The following ZMAT4 variants were observed in gnomAD, a reference collection of about 807,000 sequenced individuals.
ZMAT4 encodes zinc finger matrin-type protein 4.
In ZMAT4, 17 loss-of-function variants were observed where a neutral mutation model predicts 28.7. The ratio of observed to expected loss-of-function variants is 0.59; its 90% confidence interval spans 0.41 to 0.89. The LOEUF (loss-of-function observed/expected upper bound fraction) is 0.89, where lower values mean the gene tolerates loss of function less well. Among genes scored for constraint, ZMAT4 ranks in the 40% least tolerant of loss-of-function variants. The pLI, the probability that ZMAT4 is intolerant of heterozygous loss-of-function variation, is 0.00. For missense variants in ZMAT4, 240 were observed against 283.8 expected, an observed-to-expected ratio of 0.85 and a Z score of 1.11; for synonymous variants, 117 against 109.2, an observed-to-expected ratio of 1.07 and a Z score of -0.44.
chr8:40,640,349 C>T (rs1806964304), intron 5 of ZMAT4, among the ~76,000 whole-genome samples: 1 of 152,124 alleles, frequency 6.6e-6, no homozygotes, highest in Non-Finnish European at 1.5e-5. Flanking sequence ...TCAGCAGAAT[C>T]CAATAGGTCC....
intron 3 of ZMAT4, among the ~76,000 whole-genome samples, chr8:40,719,723 C>T (rs1811001483): frequency 6.6e-6 from 1 of 152,132 alleles, no homozygotes; most frequent in Non-Finnish European, 1.5e-5. Flanking sequence ...GTGTCCACCA[C>T]CACACCCTGC....
In ZMAT4 at chr8:40,688,359, G is replaced by A. The variant is rs146426054; in HGVS notation, c.349+8886C>T. 3.2e-3 allele frequency among the ~76,000 whole-genome samples: 485 copies of A among 152,200 alleles called. 3 individuals carry two copies. Among genetic ancestry groups the A allele is most frequent in the African/African-American group, 9.9e-3 (410 of 41,526 alleles). On this transcript the variant is annotated intron_variant, in intron 4 of 6. Coordinates refer to ENST00000297737, the MANE Select transcript of ZMAT4 (RefSeq NM_024645.3). ...TAATCCCAGCTGCTCGGGAGGCTGA[G>A]GCAGGAGAATTGCTTGAACCCAGGA...
At chr8:40,830,037 C>G (rs534895725) in intron 1 of ZMAT4, among the ~76,000 whole-genome samples, 1 of 152,174 alleles carries the variant, frequency 6.6e-6, no homozygotes, top group African/African-American at 2.4e-5. Flanking sequence ...TTTCTTAAGG[C>G]GCAAGAAATG....
At chr8:40,842,175 C>T (rs541197268) in intron 1 of ZMAT4, among the ~76,000 whole-genome samples, 23 of 152,314 alleles carry the variant, frequency 1.5e-4, no homozygotes, top group Admixed American at 7.2e-4. Context: ...CAATGGTGGT[C>T]CCCCAAGGGA....
intron 1 of ZMAT4, among the ~76,000 whole-genome samples, chr8:40,867,619 G>C (rs1817721632): frequency 6.6e-6 from 1 of 152,136 alleles, no homozygotes; most frequent in Admixed American, 6.5e-5. Context: ...AGCACAGTCT[G>C]CCTTGAGGCC....
At chr8:40,851,502 G>T (rs139683278) in intron 1 of ZMAT4, among the ~76,000 whole-genome samples, 3 of 152,192 alleles carry the variant, frequency 2.0e-5, no homozygotes, top group African/African-American at 7.2e-5. Context: ...GTTTTCACAA[G>T]TGTACCATAG....
chr8:40,594,302 A>T (rs1443576317), intron 5 of ZMAT4, among the ~76,000 whole-genome samples: 2 of 152,368 alleles, frequency 1.3e-5, no homozygotes, highest in East Asian at 3.9e-4. Flanking sequence ...AGAATAACAG[A>T]ACTCACAAAT....
intron 1 of ZMAT4, among the ~76,000 whole-genome samples, chr8:40,840,248 T>A (rs1386191163): frequency 6.6e-6 from 1 of 152,150 alleles, no homozygotes; most frequent in Admixed American, 6.5e-5. Context: ...GGGGCACCCA[T>A]GGCTACTAAC....
At chr8:40,703,775 A>G (rs1810243022) in intron 3 of ZMAT4, among the ~76,000 whole-genome samples, 1 of 152,212 alleles carries the variant, frequency 6.6e-6, no homozygotes, top group Non-Finnish European at 1.5e-5. Flanking sequence ...TCTAGAGGAA[A>G]AGTCTAAAAG....
At chr8:40,601,200 G>A (rs939844860) in intron 5 of ZMAT4, among the ~76,000 whole-genome samples, 2 of 151,904 alleles carry the variant, frequency 1.3e-5, no homozygotes, top group African/African-American at 4.8e-5. Flanking sequence ...GATTTTACAG[G>A]GTAGGGGAAA....
chr8:40,844,657 CTGTGTG>C (rs71224857), intron 1 of ZMAT4, among the ~76,000 whole-genome samples: 6,742 of 142,424 alleles, frequency 0.047, 163 homozygotes, highest in Middle Eastern at 0.16. Context: ...CTCTCTCATT[CTGTGTG>C]TGTGTGTGTG....
At chr8:40,742,782 C>CAA (rs150468122) in intron 3 of ZMAT4, among the ~76,000 whole-genome samples, 1,029 of 20,566 alleles carry the variant, frequency 0.05, 11 homozygotes, top group African/African-American at 0.19. Flanking sequence ...CACACACACA[C>CAA]ACACACACAC....
At chr8:40,885,664 G>A (rs189670199) in intron 1 of ZMAT4, among the ~76,000 whole-genome samples, 2 of 152,282 alleles carry the variant, frequency 1.3e-5, no homozygotes, top group East Asian at 3.9e-4. Context: ...CATGGACTGT[G>A]TTACTCCTCA....
At chr8:40,853,765 CA>C (rs1290842205) in intron 1 of ZMAT4, among the ~76,000 whole-genome samples, 1 of 152,082 alleles carries the variant, frequency 6.6e-6, no homozygotes, top group Non-Finnish European at 1.5e-5. Context: ...GTCTAAGCTT[CA>C]ACACAGTGAA....
At chr8:40,883,936 C>A (rs1040418638) in intron 1 of ZMAT4, among the ~76,000 whole-genome samples, 74 of 152,298 alleles carry the variant, frequency 4.9e-4, no homozygotes, top group African/African-American at 1.6e-3. Context: ...TCATAACTCT[C>A]CAGAGCTCAC....
intron 3 of ZMAT4, among the ~76,000 whole-genome samples, chr8:40,721,900 C>T (rs1310660282): frequency 6.6e-6 from 1 of 151,838 alleles, no homozygotes; most frequent in African/African-American, 2.4e-5. Context: ...CTTTGACAAA[C>T]CTGAGAAAAA....
At chr8:40,595,655 GT>G (rs1169873937) in intron 5 of ZMAT4, among the ~76,000 whole-genome samples, 1 of 152,142 alleles carries the variant, frequency 6.6e-6, no homozygotes, top group African/African-American at 2.4e-5. Flanking sequence ...AAAAGGTACA[GT>G]AAAAATATAG....
At chr8:40,615,231 T>C (rs2118671203) in intron 5 of ZMAT4, among the ~76,000 whole-genome samples, 1 of 152,310 alleles carries the variant, frequency 6.6e-6, no homozygotes, top group South Asian at 2.1e-4. Context: ...AATTCTTTTC[T>C]TTAAGAATGT....
intron 6 of ZMAT4, among the ~76,000 whole-genome samples, chr8:40,577,019 C>A (rs1271032907): frequency 6.6e-6 from 1 of 151,992 alleles, no homozygotes; most frequent in Admixed American, 6.6e-5. Context: ...CATGGTGAAA[C>A]CCTGTATCTA....
Sources: allele counts gnomAD v4.1 joint callset (sites outside exome capture counted in the v4.1 genomes callset), GRCh38; gene constraint gnomAD v4.1.1; transcripts MANE v1.5; gene names NCBI Gene and HGNC (gene_info 2026-07-23, HGNC 2026-07-21).